The following TTC28 variants were observed in gnomAD, a reference collection of about 807,000 sequenced individuals.
The protein encoded by TTC28 is tetratricopeptide repeat domain 28.
In TTC28, 61 loss-of-function variants were observed where a neutral mutation model predicts 198.0. The ratio of observed to expected loss-of-function variants is 0.31; its 90% CI spans 0.25 to 0.38. The LOEUF is 0.38. TTC28 is among the 10% of genes least tolerant of loss of function. The pLI is 1.00. For missense variants in TTC28, 2,678 were observed against 3,164.0 expected (o/e 0.85, Z 3.69); for synonymous variants, 1,171 against 1,297.8 (o/e 0.90, Z 2.10).
At chr22:28,541,537 G>C (rs1363787153) in intron 2 of TTC28, among the ~76,000 whole-genome samples, 3 of 151,994 alleles carry the variant, frequency 2.0e-5, no homozygotes, top group Non-Finnish European at 4.4e-5. Flanking sequence ...TGCACAACAG[G>C]AAAACATCAA....
chr22:28,228,656 C>A (rs542418782), intron 5 of TTC28, among the ~76,000 whole-genome samples: 3 of 151,332 alleles, frequency 2.0e-5, no homozygotes, highest in Admixed American at 6.6e-5. Context: ...GCCGAGATTG[C>A]GCCACTGCAC....
intron 12 of TTC28, among the ~76,000 whole-genome samples, chr22:28,041,260 A>T (rs950277741): frequency 7.9e-5 from 12 of 152,236 alleles, no homozygotes; most frequent in Non-Finnish European, 1.5e-4. Flanking sequence ...ACCAAAGAAG[A>T]GCCTGCATTG....
chr22:28,525,145 G>T (rs1601512842), intron 2 of TTC28, among the ~76,000 whole-genome samples: 1 of 152,134 alleles, frequency 6.6e-6, no homozygotes, highest in East Asian at 1.9e-4. Flanking sequence ...TTAATCCAAA[G>T]TTTGGGGGTT....
At chr22:28,099,408 T>C (rs1427824014) in intron 9 of TTC28, among the ~76,000 whole-genome samples, 1 of 152,224 alleles carries the variant, frequency 6.6e-6, no homozygotes, top group African/African-American at 2.4e-5. Flanking sequence ...TATATATGGC[T>C]TGTGCCCACA....
chr22:28,427,373 G>C (rs1323148067), intron 2 of TTC28, among the ~76,000 whole-genome samples: 1 of 152,086 alleles, frequency 6.6e-6, no homozygotes, highest in Non-Finnish European at 1.5e-5. Flanking sequence ...AGGAAAAAAG[G>C]CCGAGCGCGG....
chr22:28,347,952 C>T (rs1230191774), intron 2 of TTC28, among the ~76,000 whole-genome samples: 1 of 152,236 alleles, frequency 6.6e-6, no homozygotes, highest in Non-Finnish European at 1.5e-5. Flanking sequence ...TGGCATCTCC[C>T]TTCAGACCTA....
Position 28,233,506 on chromosome 22 carries a change from A to G in TTC28, c.933+62692T>C, listed in dbSNP as rs535099572. 4.1e-4 allele frequency among the ~76,000 whole-genome samples: 62 copies of G among 152,304 alleles called. No homozygotes were observed. In the South Asian group the frequency reaches 0.013, roughly 31 times the overall value. ...TGTCCATTATACAACTAGTGAAATA[A>G]TGAAAAATAAAATAAAATGATAAAA... On this transcript the variant is annotated intron_variant, in intron 5 of 22. Transcript: ENST00000397906.
intron 2 of TTC28, among the ~76,000 whole-genome samples, chr22:28,519,280 C>T (rs2048852267): frequency 6.6e-6 from 1 of 152,148 alleles, no homozygotes; most frequent in South Asian, 2.1e-4. Context: ...GGTCTTATTT[C>T]TCTTCTGGCA....
chr22:28,235,998 C>T (rs1929217211), intron 5 of TTC28, among the ~76,000 whole-genome samples: 1 of 152,156 alleles, frequency 6.6e-6, no homozygotes, highest in African/African-American at 2.4e-5. Context: ...TGTGATGGTG[C>T]CTGGTAAGTT....
intron 5 of TTC28, among the ~76,000 whole-genome samples, chr22:28,190,949 G>C (rs1241850754): frequency 6.6e-6 from 1 of 152,042 alleles, no homozygotes; most frequent in Non-Finnish European, 1.5e-5. Flanking sequence ...CTATAGCTCT[G>C]ACTATGCCAG....
chr22:28,617,685 A>T (rs548736151), intron 2 of TTC28, among the ~76,000 whole-genome samples: 1 of 152,294 alleles, frequency 6.6e-6, no homozygotes, highest in South Asian at 2.1e-4. Flanking sequence ...ATGCAGTACA[A>T]ACAGACTTTA....
In TTC28 at chr22:28,107,084, G is replaced by A. The variant is rs187276281; in HGVS notation, c.2761C>T (p.Arg921Trp). ...NRMQDQAKAY[R>W]GLGNGHRAMG... ...TACCTGTGTCCATTTCCCAGGCCCC[G>A]GTAAGCCTTGGCTTGGTCTTGCATG... The change falls in exon 7 of 23, where the codon CGG becomes TGG. Residue 921 changes from arginine (R) to tryptophan (W), a missense_variant. Transcript: ENST00000397906. 3.9e-5 allele frequency: 60 copies of A among 1,549,416 alleles called. No homozygotes were observed. The highest frequency in any genetic ancestry group is 1.2e-4 in the East Asian group (5 of 40,872).
At chr22:28,406,039 T>C (rs920270588) in intron 2 of TTC28, among the ~76,000 whole-genome samples, 2 of 152,272 alleles carry the variant, frequency 1.3e-5, no homozygotes, top group Non-Finnish European at 2.9e-5. Context: ...CCTTGAATTC[T>C]TTCCTGGGTG....
chr22:27,981,133 A>T lies in TTC28; in HGVS notation c.*1088T>A, dbSNP rs1285984181. Reference sequence around the variant, plus strand: ...GATTTAGATATAAGACAACTGAGGGACCTGGAGTTGGGAAAAGGGAATAAA... The same window carrying T: ...GATTTAGATATAAGACAACTGAGGGTCCTGGAGTTGGGAAAAGGGAATAAA... On this transcript the variant is annotated 3_prime_UTR_variant, in exon 23 of 23. Coordinates refer to ENST00000397906, the MANE Select transcript of TTC28 (RefSeq NM_001145418.2). 6.7e-6 allele frequency: 1 copy of T among 149,180 alleles called. No individual in the cohort carries two copies. Among genetic ancestry groups the T allele is most frequent in the African/African-American group, 2.5e-5 (1 of 40,430 alleles). The allele number at this position is 149,180 out of a possible 1,614,324, so 9.2% of individuals were successfully genotyped here. A position where few individuals can be genotyped will look rare whatever the true frequency, so the allele number is the denominator to read the frequency against.
rs1022568418 is a variant in TTC28, at chr22:28,163,605, G to A, written c.934-6C>T. 5 of 1,519,218 alleles carry A rather than the reference G, an allele frequency of 3.3e-6. No homozygotes were observed. Among genetic ancestry groups the A allele is most frequent in the South Asian group, 1.3e-5 (1 of 79,256 alleles). 94.1% of individuals were successfully genotyped at this position (1,519,218 alleles called of 1,614,324 possible). On this transcript the variant is annotated splice_region_variant and splice_polypyrimidine_tract_variant and intron_variant, in intron 5 of 22. Transcript: ENST00000397906. Reference sequence around the variant, plus strand: ...CTCAAGGCTGATGAAGCTGCCTGGAGAGAAAAGGATAAAGTGGAGAAATGA... The same window carrying A: ...CTCAAGGCTGATGAAGCTGCCTGGAAAGAAAAGGATAAAGTGGAGAAATGA...
intron 1 of TTC28, among the ~76,000 whole-genome samples, chr22:28,656,320 A>G (rs1334925653): frequency 1.3e-5 from 2 of 152,204 alleles, no homozygotes; most frequent in African/African-American, 2.4e-5. Flanking sequence ...CTGCTACAGG[A>G]AGGTACTGCT....
intron 2 of TTC28, among the ~76,000 whole-genome samples, chr22:28,360,507 T>C (rs1485589859): frequency 6.6e-6 from 1 of 152,230 alleles, no homozygotes. Flanking sequence ...AGTTATTTTC[T>C]TTGGTTGTTT....
chr22:28,037,946 GA>G (rs1939436849), intron 12 of TTC28, among the ~76,000 whole-genome samples: 2 of 152,112 alleles, frequency 1.3e-5, no homozygotes, highest in Non-Finnish European at 2.9e-5. Context: ...AAATACCTAG[GA>G]AAACAACTTA....
At chr22:28,108,770 A>G (rs1225500432) in intron 6 of TTC28, among the ~76,000 whole-genome samples, 2 of 152,244 alleles carry the variant, frequency 1.3e-5, no homozygotes, top group Non-Finnish European at 2.9e-5. Flanking sequence ...GAAGATCCCA[A>G]TTTACTAAAA....
Sources: allele counts gnomAD v4.1 joint callset (sites outside exome capture counted in the v4.1 genomes callset), GRCh38; gene constraint gnomAD v4.1.1; transcripts MANE v1.5; gene names NCBI Gene and HGNC (gene_info 2026-07-23, HGNC 2026-07-21).